Variants in LRRTM4 observed in about 807,000 individuals in gnomAD.
The protein encoded by LRRTM4 is leucine rich repeat transmembrane neuronal 4.
LRRTM4 carries 25 observed loss-of-function variants against 47.6 expected under a neutral mutation model. The observed-to-expected ratio is 0.53, with a 90% CI of 0.38 to 0.73. The LOEUF (loss-of-function observed/expected upper bound fraction) is 0.73, where lower values mean the gene tolerates loss of function less well. Ranked by LOEUF, LRRTM4 falls within the 30% of genes least tolerant of loss-of-function variation. The pLI is 0.00. For missense variants in LRRTM4, 638 were observed against 713.4 expected, an observed-to-expected ratio of 0.89 and a Z score of 1.20; for synonymous variants, 311 against 269.5, an observed-to-expected ratio of 1.15 and a Z score of -1.51.
chr2:77,390,769 T>A (rs1305429225), intron 3 of LRRTM4, among the ~76,000 whole-genome samples: 1 of 151,636 alleles, frequency 6.6e-6, no homozygotes, highest in Non-Finnish European at 1.5e-5. Context: ...ACAAGAAAAA[T>A]AACTTATTTT....
At chr2:77,439,961 A>C (rs1377224548) in intron 3 of LRRTM4, among the ~76,000 whole-genome samples, 1 of 152,222 alleles carries the variant, frequency 6.6e-6, no homozygotes, top group African/African-American at 2.4e-5. Context: ...TGTGCCCTTG[A>C]AGATTATACT....
chr2:76,802,767 CATAGG>C (rs1675767903), intron 3 of LRRTM4, among the ~76,000 whole-genome samples: 1 of 152,012 alleles, frequency 6.6e-6, no homozygotes, highest in South Asian at 2.1e-4. Context: ...AAAACAGACA[CATAGG>C]ATAGAGAACT....
At chr2:76,793,958 G>T (rs576344000) in intron 3 of LRRTM4, among the ~76,000 whole-genome samples, 37 of 152,288 alleles carry the variant, frequency 2.4e-4, no homozygotes, top group Non-Finnish European at 4.1e-4. Flanking sequence ...CAAAATACTG[G>T]TGCAACAATG....
Position 77,459,182 on chromosome 2 carries a change from C to G in LRRTM4, c.1551+59136G>C, listed in dbSNP as rs78286076. On this transcript the variant is annotated intron_variant, in intron 3 of 3. Transcript: ENST00000409884. Reference sequence around the variant, plus strand: ...AATGCCTGAAGGGACTATTATTTATCTCCTCAAAAATTGGATTTTATCTTC... The same window carrying G: ...AATGCCTGAAGGGACTATTATTTATGTCCTCAAAAATTGGATTTTATCTTC... Among the ~76,000 whole-genome samples the G allele has an allele frequency of 9.8e-3, 1,494 of 152,192 alleles. 25 individuals are homozygous for G. Among genetic ancestry groups the G allele is most frequent in the African/African-American group, 0.032 (1,330 of 41,540 alleles).
chr2:77,152,538 C>T (rs1414506118), intron 3 of LRRTM4, among the ~76,000 whole-genome samples: 1 of 152,004 alleles, frequency 6.6e-6, no homozygotes, highest in Non-Finnish European at 1.5e-5. Flanking sequence ...CCGTGTTAGC[C>T]ACAATGGTCT....
intron 3 of LRRTM4, among the ~76,000 whole-genome samples, chr2:76,814,224 A>G (rs1388577641): frequency 6.6e-6 from 1 of 152,144 alleles, no homozygotes; most frequent in African/African-American, 2.4e-5. Flanking sequence ...AAAAATAGAA[A>G]AAAGCTTATA....
At chr2:76,801,911 A>G (rs1012352677) in intron 3 of LRRTM4, among the ~76,000 whole-genome samples, 1 of 152,178 alleles carries the variant, frequency 6.6e-6, no homozygotes, top group Non-Finnish European at 1.5e-5. Flanking sequence ...GCATTGGACA[A>G]AATTCAACAT....
intron 3 of LRRTM4, among the ~76,000 whole-genome samples, chr2:77,058,196 T>C (rs916431924): frequency 3.9e-5 from 6 of 152,192 alleles, no homozygotes; most frequent in African/African-American, 1.4e-4. Context: ...TCATATTTGA[T>C]GTCATTTCAT....
rs779086784 is a variant in LRRTM4, at chr2:77,078,336, G to A, written c.1552-329420C>T. On this transcript the variant is annotated intron_variant, in intron 3 of 3. Transcript: ENST00000409884. ...CTAAACCAACAACAAATCTAGGAAA[G>A]ATAATTTTATTGAAAAAAATATGTT... Among the ~76,000 whole-genome samples, 20 of 151,188 alleles carry A rather than the reference G, an allele frequency of 1.3e-4. 1 individual carries two copies. Among genetic ancestry groups the A allele is most frequent in the Admixed American group, 4.6e-4 (7 of 15,106 alleles).
intron 3 of LRRTM4, among the ~76,000 whole-genome samples, chr2:76,944,770 A>C (rs956470031): frequency 6.6e-6 from 1 of 152,086 alleles, no homozygotes; most frequent in Admixed American, 6.5e-5. Flanking sequence ...TCAACTTCCC[A>C]AAGTTCATTT....
intron 3 of LRRTM4, among the ~76,000 whole-genome samples, chr2:77,083,469 T>C (rs1045321487): frequency 6.6e-6 from 1 of 152,104 alleles, no homozygotes; most frequent in African/African-American, 2.4e-5. Flanking sequence ...TCACCAACCA[T>C]TGATTTTAAC....
At chr2:76,781,528 GCA>G (rs2104161618) in intron 3 of LRRTM4, among the ~76,000 whole-genome samples, 1 of 152,046 alleles carries the variant, frequency 6.6e-6, no homozygotes, top group East Asian at 2.0e-4. Context: ...CAGGTGCGGT[GCA>G]TCACCCCTTT....
chr2:77,500,664 A>G (rs1678540070), intron 3 of LRRTM4, among the ~76,000 whole-genome samples: 1 of 151,646 alleles, frequency 6.6e-6, no homozygotes. Flanking sequence ...CTCAAAATGA[A>G]AGATTTAGAA....
intron 3 of LRRTM4, among the ~76,000 whole-genome samples, chr2:77,056,100 T>C (rs1249997263): frequency 6.8e-6 from 1 of 148,088 alleles, no homozygotes; most frequent in Non-Finnish European, 1.5e-5. Flanking sequence ...AAATGACGAG[T>C]TAATGGGTGC....
At chr2:76,945,801 C>T (rs1675305007) in intron 3 of LRRTM4, among the ~76,000 whole-genome samples, 1 of 151,428 alleles carries the variant, frequency 6.6e-6, no homozygotes, top group African/African-American at 2.4e-5. Context: ...TTCAAAACAT[C>T]ATTACAGAAA....
intron 3 of LRRTM4, among the ~76,000 whole-genome samples, chr2:76,759,249 G>C (rs530397816): frequency 7.2e-5 from 11 of 152,178 alleles, no homozygotes; most frequent in South Asian, 6.2e-4. Flanking sequence ...GTAAAGCCGA[G>C]GTAGAAAAGC....
chr2:76,844,816 T>C, intron 3 of LRRTM4, among the ~76,000 whole-genome samples: 1 of 152,188 alleles, frequency 6.6e-6, no homozygotes, highest in East Asian at 1.9e-4. Flanking sequence ...TCATACATAT[T>C]GTGTAGCTGG....
intron 3 of LRRTM4, among the ~76,000 whole-genome samples, chr2:77,515,988 G>A (rs547503082): frequency 2.2e-4 from 33 of 151,776 alleles, no homozygotes; most frequent in South Asian, 1.7e-3. Context: ...GTATGCTTTC[G>A]TTTTAAAACA....
At chr2:77,473,605 C>T (rs1041652742) in intron 3 of LRRTM4, among the ~76,000 whole-genome samples, 5 of 152,136 alleles carry the variant, frequency 3.3e-5, no homozygotes, top group African/African-American at 1.2e-4. Flanking sequence ...CTTCTACTCA[C>T]AGACCTTGAG....
Sources: allele counts gnomAD v4.1 joint callset (sites outside exome capture counted in the v4.1 genomes callset), GRCh38; gene constraint gnomAD v4.1.1; transcripts MANE v1.5; gene names NCBI Gene and HGNC (gene_info 2026-07-23, HGNC 2026-07-21).